HYDIN: variants seen among roughly 807,000 people sequenced by gnomAD.
HYDIN encodes HYDIN axonemal central pair apparatus protein, also known as axonemal central pair apparatus protein HYDIN.
A neutral mutation model predicts 403.9 loss-of-function variants in HYDIN; 132 were observed. That is an observed-to-expected ratio of 0.33 (90% CI 0.28 to 0.38). The LOEUF (loss-of-function observed/expected upper bound fraction) is 0.38. HYDIN is among the 10% of genes least tolerant of loss of function. The pLI is 1.00. For synonymous variants in HYDIN, 1,202 were observed against 1,891.7 expected (o/e 0.64, Z 9.46); for missense variants, 2,827 against 5,009.5 (o/e 0.56, Z 13.15).
chr16:70,866,863 A>C (rs1321887754), intron 66 of HYDIN, among the ~76,000 whole-genome samples: 1 of 151,952 alleles, frequency 6.6e-6, no homozygotes, highest in African/African-American at 2.4e-5. Context: ...TGTCTCTGCT[A>C]AAAGTACAAA....
Position 71,185,189 on chromosome 16 carries a change from G to A in HYDIN, c.136-199C>T, listed in dbSNP as rs189639050. Among the ~76,000 whole-genome samples, 397 of 152,194 alleles carry A rather than the reference G, an allele frequency of 2.6e-3. 1 individual carries two copies. Among genetic ancestry groups the A allele is most frequent in the Non-Finnish European group, 5.0e-3 (338 of 68,006 alleles). ...CACGCACTTTTGAGGTCTTTGCACG[G>A]TAATTGAAAATGACATGTGTTTGCT... is the stretch of plus-strand genomic sequence containing the variant. On this transcript the variant is annotated intron_variant, in intron 2 of 85. Coordinates refer to ENST00000393567, the MANE Select transcript of HYDIN (RefSeq NM_001270974.2).
At chr16:71,061,929 T>A (rs2082101462) in intron 17 of HYDIN, among the ~76,000 whole-genome samples, 1 of 151,470 alleles carries the variant, frequency 6.6e-6, no homozygotes, top group African/African-American at 2.4e-5. Flanking sequence ...ACTCCTGGTA[T>A]CCTGTTAGGT....
intron 1 of HYDIN, among the ~76,000 whole-genome samples, chr16:71,217,048 T>G (rs1313792360): frequency 6.6e-6 from 1 of 152,188 alleles, no homozygotes; most frequent in African/African-American, 2.4e-5. Flanking sequence ...TAGGTACCTT[T>G]TGGACAGGTT....
At chr16:70,831,106 G>GT (rs113420081) in intron 80 of HYDIN, among the ~76,000 whole-genome samples, 4,342 of 139,480 alleles carry the variant, frequency 0.031, 202 homozygotes, top group African/African-American at 0.1. Flanking sequence ...GCCTAACAGT[G>GT]TTTTTTTTTT....
intron 23 of HYDIN, among the ~76,000 whole-genome samples, chr16:70,999,086 C>T (rs1043033886): frequency 2.0e-5 from 3 of 152,142 alleles, no homozygotes; most frequent in African/African-American, 7.2e-5. Flanking sequence ...TCAAGTTACT[C>T]AGAGCTTAGG....
At position 70,981,403 on chromosome 16, in the gene HYDIN, T is replaced by C; in HGVS notation, c.4498A>G (p.Arg1500Gly). The change falls in exon 29 of 86, where the codon AGG becomes GGG. Residue 1500 changes from arginine to glycine, a missense_variant. Physicochemically the swap from Arg to Gly is moderately radical, Grantham distance 125. Transcript: ENST00000393567. ...IFPQICLDLP[R>G]NLTANEKYEM... ...TGTGAAGTACTACCTGTGAGGTTCCTGGGGAGATCGAGGCAGATTTGGGGA... is the reference window on the plus strand; with the variant it reads ...TGTGAAGTACTACCTGTGAGGTTCCCGGGGAGATCGAGGCAGATTTGGGGA... The C allele has an allele frequency of 6.2e-7, 1 of 1,613,526 alleles. No homozygotes were observed. Among genetic ancestry groups the C allele is most frequent in the Non-Finnish European group, 8.5e-7 (1 of 1,179,760 alleles).
chr16:70,914,318 A>G (rs1482273129), intron 47 of HYDIN, among the ~76,000 whole-genome samples: 1 of 152,132 alleles, frequency 6.6e-6, no homozygotes, highest in Non-Finnish European at 1.5e-5. Flanking sequence ...AGCAGTTCTT[A>G]TAATACTGGC....
At chr16:70,886,892 T>C (rs1417782369) in intron 58 of HYDIN, among the ~76,000 whole-genome samples, 1 of 152,170 alleles carries the variant, frequency 6.6e-6, no homozygotes, top group Non-Finnish European at 1.5e-5. Flanking sequence ...TGGTTTCTCC[T>C]ATTTGGGTTT....
At position 70,833,503 on chromosome 16, in the gene HYDIN, G is replaced by C. The variant is rs1250378073; in HGVS notation, c.13679+384C>G. Among the ~76,000 whole-genome samples, 6 of 133,736 alleles carry C rather than the reference G, an allele frequency of 4.5e-5. 1 individual carries two copies. Among genetic ancestry groups the C allele is most frequent in the Non-Finnish European group, 9.5e-5 (6 of 63,232 alleles). 87.7% of individuals were successfully genotyped at this position (133,736 alleles called of 152,430 possible). ...TGGGGGATGGCGACAATCCCTTCCC[G>C]TGAGAGTTGCCTCTGTTCTGGGTGG... is the stretch of plus-strand genomic sequence containing the variant. On this transcript the variant is annotated intron_variant, in intron 79 of 85. Coordinates refer to ENST00000393567, the MANE Select transcript of HYDIN (RefSeq NM_001270974.2).
At chr16:70,969,701 AAG>A (rs1435967495) in intron 36 of HYDIN, among the ~76,000 whole-genome samples, 76 of 152,298 alleles carry the variant, frequency 5.0e-4, no homozygotes, top group African/African-American at 1.7e-3. Flanking sequence ...AAAGAACAGA[AAG>A]AGTAAAAAGA....
chr16:70,875,561 T>C (rs1171407625), intron 62 of HYDIN, among the ~76,000 whole-genome samples: 2 of 152,166 alleles, frequency 1.3e-5, no homozygotes, highest in East Asian at 3.9e-4. Context: ...TAATACAAAA[T>C]ATGAGGCATG....
At chr16:70,871,966 G>A (rs2143654036) in intron 65 of HYDIN, 71 bp downstream of exon 65, 5 of 1,402,726 alleles carry the variant, frequency 3.6e-6, no homozygotes, top group Non-Finnish European at 4.9e-6. Flanking sequence ...CCACGGGAAA[G>A]GGCTGACAAT....
At chr16:70,977,622 T>A (rs995726156) in intron 30 of HYDIN, among the ~76,000 whole-genome samples, 1 of 138,124 alleles carries the variant, frequency 7.2e-6, no homozygotes, top group Non-Finnish European at 1.6e-5. Flanking sequence ...TAGAACAATA[T>A]TCGCATGCAC....
rs1626593 is a variant in HYDIN, at chr16:70,862,130, C to T, written c.11695G>A (p.Val3899Met). Residue 3899 changes from valine to methionine, a missense_variant, in exon 69 of 86, where the codon GTG (valine) becomes ATG (methionine). Transcript: ENST00000393567. ...AACTTCTGAATCTTCCCCACCGGCA[C>T]GATTCCCGAAGAGGGCTCCACAGAG... ...PFSVEPSSGI[V>M]PVGKIQKFKV... The T allele has an allele frequency of 1.2e-5, 20 of 1,611,646 alleles. No individual in the cohort carries two copies. Among genetic ancestry groups the T allele is most frequent in the Middle Eastern group, 3.3e-4 (2 of 6,074 alleles).
rs1462140684 is a variant in HYDIN at position 70,894,484 on chromosome 16, T to C, written c.9213A>G (p.Gln3071=). The C allele has an allele frequency of 3.1e-6, 5 of 1,601,506 alleles. No homozygotes were observed. Among genetic ancestry groups the C allele is most frequent in the South Asian group, 2.3e-5 (2 of 88,400 alleles). ...RVTEEAKQPL[Q]LKNRGKYEIA... ...TCTCATATTTCCCACGGTTCTTCAA[T>C]TGCAGGGGCTGCTTCGCCTCCTCTG... Residue 3071 remains glutamine (Q), a synonymous_variant, in exon 55 of 86, where the codon CAA becomes CAG. Transcript: ENST00000393567.
intron 36 of HYDIN, among the ~76,000 whole-genome samples, chr16:70,966,308 G>A (rs1417428199): frequency 6.6e-6 from 1 of 150,920 alleles, no homozygotes; most frequent in Admixed American, 6.6e-5. Context: ...GCCAACAGAA[G>A]CCACTAAGGA....
chr16:71,179,323 A>G (rs527397429), intron 3 of HYDIN, among the ~76,000 whole-genome samples: 65 of 149,844 alleles, frequency 4.3e-4, no homozygotes, highest in African/African-American at 1.6e-3. Context: ...CAGAGGAATA[A>G]AATTTTTTAA....
intron 1 of HYDIN, among the ~76,000 whole-genome samples, chr16:71,191,397 G>A (rs1473010485): frequency 6.6e-6 from 1 of 151,990 alleles, no homozygotes; most frequent in East Asian, 1.9e-4. Flanking sequence ...AATACTACAG[G>A]AAAAAATGCG....
intron 10 of HYDIN, among the ~76,000 whole-genome samples, chr16:71,108,684 A>G (rs1456878494): frequency 6.6e-6 from 1 of 152,048 alleles, no homozygotes; most frequent in Non-Finnish European, 1.5e-5. Flanking sequence ...TATGTACCCC[A>G]TGAATATGTA....
Sources: gnomAD v4.1 joint callset for allele counts (sites outside exome capture counted in the v4.1 genomes callset) on GRCh38, gnomAD v4.1.1 for gene constraint, MANE v1.5 for transcripts, NCBI Gene and HGNC (gene_info 2026-07-23, HGNC 2026-07-21) for gene names.